TMTC2: variants seen among roughly 807,000 people sequenced by gnomAD.
The protein encoded by TMTC2 is transmembrane O-mannosyltransferase targeting cadherins 2.
Under a neutral mutation model 82.4 loss-of-function variants are expected in TMTC2, and 43 were observed. The ratio of observed to expected loss-of-function variants is 0.52; its 90% CI spans 0.41 to 0.67. The LOEUF is 0.67. TMTC2 is among the 30% of genes least tolerant of loss of function. TMTC2 has a pLI of 0.00. For missense variants in TMTC2, 919 were observed against 1,012.4 expected, an observed-to-expected ratio of 0.91 and a Z score of 1.25; for synonymous variants, 408 against 381.9, an observed-to-expected ratio of 1.07 and a Z score of -0.80.
chr12:83,097,247 A>G (rs1466478792), intron 11 of TMTC2, among the ~76,000 whole-genome samples: 1 of 152,222 alleles, frequency 6.6e-6, no homozygotes, highest in Non-Finnish European at 1.5e-5. Flanking sequence ...AAAGGATATA[A>G]TGAAGTTATT....
Position 82,857,556 on chromosome 12 carries a change from A to T in TMTC2, c.630A>T (p.Lys210Asn). The part of the protein sequence containing the change: ...DVFVFHRLKI[K>N]QILPTIYKRK... ...TTGTCTTTCACAGGCTGAAAATAAAACAGATATTACCTACCATTTACAAAG... is the reference window on the plus strand; with the variant it reads ...TTGTCTTTCACAGGCTGAAAATAAATCAGATATTACCTACCATTTACAAAG... Residue 210 changes from lysine to asparagine, a missense_variant, in exon 2 of 12, where the codon AAA (lysine) becomes AAT (asparagine). By Grantham distance (94) the Lys-to-Asn change is moderately conservative. Coordinates refer to ENST00000321196, the MANE Select transcript of TMTC2 (RefSeq NM_152588.3). The T allele has an allele frequency of 1.9e-6, 3 of 1,610,824 alleles. No individual in the cohort carries two copies. Among genetic ancestry groups the T allele is most frequent in the Non-Finnish European group, 2.5e-6 (3 of 1,178,464 alleles).
At chr12:82,758,938 G>A (rs767582014) in intron 1 of TMTC2, 10 of 152,066 alleles carry the variant, frequency 6.6e-5, no homozygotes, top group Non-Finnish European at 2.9e-5. Context: ...AAAACATACC[G>A]GATTGAGTGT....
At chr12:82,758,250 G>A (rs2136975947) in intron 1 of TMTC2, among the ~76,000 whole-genome samples, 1 of 152,134 alleles carries the variant, frequency 6.6e-6, no homozygotes, top group Non-Finnish European at 1.5e-5. Flanking sequence ...ATTTAGATAT[G>A]CATGGTTTTG....
chr12:82,774,733 G>C lies in TMTC2; in HGVS notation c.84-82277G>C, dbSNP rs146134983. On this transcript the variant is annotated intron_variant, in intron 1 of 11. Transcript: ENST00000321196. ...TCTTAGATGCCTGCCATGCCTTCCA[G>C]CATGTCTCCAGTCTGGGCTATACCG... 2.1e-3 allele frequency among the ~76,000 whole-genome samples: 308 copies of C among 149,468 alleles called. 3 individuals carry two copies. The highest frequency in any genetic ancestry group is 7.0e-3 in the African/African-American group (282 of 40,454).
intron 4 of TMTC2, among the ~76,000 whole-genome samples, chr12:82,947,396 G>A (rs1877070988): frequency 6.7e-6 from 1 of 148,162 alleles, no homozygotes; most frequent in African/African-American, 2.5e-5. Flanking sequence ...AGGCTGGAGT[G>A]CAGTGGCGCG....
chr12:83,076,773 C>A (rs967924120), intron 11 of TMTC2, among the ~76,000 whole-genome samples: 1 of 152,194 alleles, frequency 6.6e-6, no homozygotes, highest in African/African-American at 2.4e-5. Context: ...TTTGTTCTCT[C>A]CCTCCTGCTT....
At chr12:82,894,141 G>A (rs1027644814) in intron 2 of TMTC2, among the ~76,000 whole-genome samples, 56 of 152,302 alleles carry the variant, frequency 3.7e-4, no homozygotes, top group African/African-American at 1.3e-3. Context: ...ATGAAGTCAG[G>A]AGTTCTATTT....
intron 11 of TMTC2, among the ~76,000 whole-genome samples, chr12:83,094,036 C>G (rs1183978243): frequency 6.6e-6 from 1 of 152,172 alleles, no homozygotes; most frequent in African/African-American, 2.4e-5. Context: ...GTGCCAATGC[C>G]AGGCACCATT....
At chr12:82,773,768 T>A (rs1877438822) in intron 1 of TMTC2, among the ~76,000 whole-genome samples, 2 of 152,070 alleles carry the variant, frequency 1.3e-5, no homozygotes, top group Non-Finnish European at 2.9e-5. Context: ...CACTGATACT[T>A]CTTTAGCCAG....
At chr12:82,932,034 A>G (rs1221099148) in intron 4 of TMTC2, among the ~76,000 whole-genome samples, 1 of 152,156 alleles carries the variant, frequency 6.6e-6, no homozygotes, top group East Asian at 1.9e-4. Context: ...TGTTTAATGA[A>G]TGCTGTGTGA....
At chr12:82,942,166 T>C (rs1876758511) in intron 4 of TMTC2, among the ~76,000 whole-genome samples, 1 of 152,238 alleles carries the variant, frequency 6.6e-6, no homozygotes, top group Admixed American at 6.5e-5. Flanking sequence ...CATATTTTAA[T>C]TCAGAATTGA....
At chr12:82,735,856 G>C (rs1168575202) in intron 1 of TMTC2, among the ~76,000 whole-genome samples, 1 of 151,900 alleles carries the variant, frequency 6.6e-6, no homozygotes, top group Non-Finnish European at 1.5e-5. Context: ...CGTGGTGGTA[G>C]GCACTACTTG....
intron 3 of TMTC2, among the ~76,000 whole-genome samples, chr12:82,922,308 A>C (rs1875444186): frequency 1.3e-5 from 2 of 152,230 alleles, no homozygotes; most frequent in Admixed American, 1.3e-4. Context: ...TGGTCCAAAG[A>C]ATAAGTACCA....
chr12:82,940,243 C>T (rs566094713), intron 4 of TMTC2, among the ~76,000 whole-genome samples: 3 of 151,762 alleles, frequency 2.0e-5, no homozygotes, highest in Non-Finnish European at 4.4e-5. Context: ...TCTCGAACTC[C>T]GGACCTCAGG....
intron 4 of TMTC2, among the ~76,000 whole-genome samples, chr12:82,932,802 C>G (rs1876114101): frequency 1.3e-5 from 2 of 152,158 alleles, no homozygotes; most frequent in African/African-American, 4.8e-5. Context: ...CCAATAGTCC[C>G]TGGTTAAAAC....
chr12:83,111,653 T>G (rs1271814161), intron 11 of TMTC2, among the ~76,000 whole-genome samples: 2 of 152,176 alleles, frequency 1.3e-5, no homozygotes, highest in African/African-American at 2.4e-5. Context: ...TACTTCTTTT[T>G]GTTTCTTATC....
chr12:82,857,522 A>G lies in TMTC2; in HGVS notation c.596A>G (p.Tyr199Cys). The stretch of plus-strand genomic sequence containing the variant: ...ACTGTTCTCGCAGTTTCAGCAGTTT[A>G]TGATGTCTTTGTCTTTCACAGGCTG... ...GVTVLAVSAV[Y>C]DVFVFHRLKI... The change falls in exon 2 of 12, where the codon TAT becomes TGT. Residue 199 changes from tyrosine to cysteine, a missense_variant. Coordinates refer to ENST00000321196, the MANE Select transcript of TMTC2 (RefSeq NM_152588.3). 2 of 1,613,874 alleles carry G rather than the reference A, an allele frequency of 1.2e-6. No homozygotes were observed. Among genetic ancestry groups the G allele is most frequent in the Admixed American group, 1.7e-5 (1 of 59,942 alleles).
chr12:82,866,143 G>A (rs1163693255), intron 2 of TMTC2, among the ~76,000 whole-genome samples: 3 of 143,730 alleles, frequency 2.1e-5, no homozygotes, highest in African/African-American at 7.6e-5. Flanking sequence ...CTAGCAGAAG[G>A]CAAGAAATAA....
chr12:82,942,362 G>A (rs1876768634), intron 4 of TMTC2, among the ~76,000 whole-genome samples: 1 of 152,044 alleles, frequency 6.6e-6, no homozygotes, highest in Non-Finnish European at 1.5e-5. Flanking sequence ...ATATCAGTCT[G>A]TCCTTTAAAG....
Sources: gnomAD v4.1 joint callset for allele counts (sites outside exome capture counted in the v4.1 genomes callset) on GRCh38, gnomAD v4.1.1 for gene constraint, MANE v1.5 for transcripts, NCBI Gene and HGNC (gene_info 2026-07-23, HGNC 2026-07-21) for gene names.